The following BNC2 variants were observed in gnomAD, a reference collection of about 807,000 sequenced individuals.
BNC2 encodes zinc finger protein basonuclin-2.
BNC2 carries 20 observed loss-of-function variants against 76.3 expected under a neutral mutation model. The observed-to-expected ratio is 0.26, with a 90% CI of 0.18 to 0.38. BNC2 has a LOEUF of 0.38. BNC2 is among the 10% of genes least tolerant of loss of function. The pLI, the probability that BNC2 is intolerant of heterozygous loss-of-function variation, is 1.00. For synonymous variants in BNC2, 582 were observed against 514.8 expected (o/e 1.13, Z -1.77); for missense variants, 1,382 against 1,399.8 (o/e 0.99, Z 0.20).
chr9:16,782,698 C>A (rs1826187502), intron 1 of BNC2, among the ~76,000 whole-genome samples: 1 of 152,100 alleles, frequency 6.6e-6, no homozygotes, highest in Non-Finnish European at 1.5e-5. Context: ...GGTTCCACAC[C>A]ATTTATCATA....
intron 2 of BNC2, among the ~76,000 whole-genome samples, chr9:16,731,795 G>A (rs1824512141): frequency 6.6e-6 from 1 of 152,106 alleles, no homozygotes; most frequent in Admixed American, 6.5e-5. Flanking sequence ...ATGTTTTTGA[G>A]TAATCTGTAA....
chr9:16,447,676 A>G (rs1332000296), intron 5 of BNC2, among the ~76,000 whole-genome samples: 1 of 152,036 alleles, frequency 6.6e-6, no homozygotes, highest in African/African-American at 2.4e-5. Context: ...CAATCAGTTC[A>G]AGTAAAAATT....
At chr9:16,752,052 C>G (rs5016917) in intron 1 of BNC2, among the ~76,000 whole-genome samples, 130,825 of 152,072 alleles carry the variant, frequency 0.86, 56,676 homozygotes, top group Non-Finnish European at 0.91. Context: ...ATCTTAATAA[C>G]ATAAAGATCC....
chr9:16,680,008 T>G (rs1392212199), intron 3 of BNC2, among the ~76,000 whole-genome samples: 2 of 152,200 alleles, frequency 1.3e-5, no homozygotes, highest in Admixed American at 6.5e-5. Flanking sequence ...GGGGGAGTGT[T>G]ATTTAAACTT....
chr9:16,442,961 A>G (rs1322904036), intron 5 of BNC2, among the ~76,000 whole-genome samples: 1 of 151,242 alleles, frequency 6.6e-6, no homozygotes, highest in African/African-American at 2.4e-5. Context: ...CAAAAAAATT[A>G]GCCAGGTGTG....
chr9:16,661,208 A>C (rs1822101921), intron 3 of BNC2, among the ~76,000 whole-genome samples: 1 of 152,190 alleles, frequency 6.6e-6, no homozygotes. Context: ...GTATCATCAG[A>C]AGAACAGATG....
intron 3 of BNC2, among the ~76,000 whole-genome samples, chr9:16,660,863 T>C (rs948875777): frequency 1.3e-5 from 2 of 152,130 alleles, no homozygotes; most frequent in African/African-American, 4.8e-5. Flanking sequence ...GTAAGTAATA[T>C]AGAGATGATT....
At chr9:16,691,724 T>C (rs1202893750) in intron 3 of BNC2, among the ~76,000 whole-genome samples, 6 of 151,926 alleles carry the variant, frequency 3.9e-5, no homozygotes, top group South Asian at 2.1e-4. Context: ...TTAGCCAGGA[T>C]GGTCTCGATC....
At chr9:16,750,972 C>G (rs1322925767) in intron 1 of BNC2, among the ~76,000 whole-genome samples, 4 of 152,164 alleles carry the variant, frequency 2.6e-5, no homozygotes, top group Non-Finnish European at 2.9e-5. Context: ...GCATTGCTAA[C>G]CAAGTACAGA....
intron 1 of BNC2, among the ~76,000 whole-genome samples, chr9:16,769,802 A>T (rs1012269092): frequency 6.6e-6 from 1 of 152,142 alleles, no homozygotes; most frequent in Non-Finnish European, 1.5e-5. Context: ...CACCACTTAC[A>T]AGATTCATGT....
intron 3 of BNC2, among the ~76,000 whole-genome samples, chr9:16,648,099 A>C (rs538955192): frequency 6.6e-6 from 1 of 152,180 alleles, no homozygotes; most frequent in Non-Finnish European, 1.5e-5. Context: ...GTTTAAAAAA[A>C]GACATATGAA....
At chr9:16,663,130 CTT>C (rs71325979) in intron 3 of BNC2, among the ~76,000 whole-genome samples, 11 of 99,594 alleles carry the variant, frequency 1.1e-4, no homozygotes, top group Admixed American at 4.4e-4. Context: ...TCTGTTTACT[CTT>C]TTTTTTTTTT....
intron 5 of BNC2, among the ~76,000 whole-genome samples, chr9:16,522,069 G>A (rs1817637587): frequency 6.6e-6 from 1 of 152,158 alleles, no homozygotes; most frequent in South Asian, 2.1e-4. Flanking sequence ...TGATTTTGGT[G>A]CATTGCATGC....
intron 5 of BNC2, among the ~76,000 whole-genome samples, chr9:16,444,550 T>G (rs1299946059): frequency 2.0e-5 from 3 of 151,884 alleles, no homozygotes; most frequent in African/African-American, 7.3e-5. Context: ...CAGGAGTGAG[T>G]GATAGGCTCA....
chr9:16,521,901 T>C (rs987341657), intron 5 of BNC2, among the ~76,000 whole-genome samples: 20 of 152,178 alleles, frequency 1.3e-4, no homozygotes, highest in African/African-American at 4.8e-4. Flanking sequence ...TCTGTGACAA[T>C]GTTCTTGGAA....
At chr9:16,839,152 G>C (rs1818771619) in intron 1 of BNC2, among the ~76,000 whole-genome samples, 1 of 152,146 alleles carries the variant, frequency 6.6e-6, no homozygotes, top group African/African-American at 2.4e-5. Context: ...TCAGATAAAA[G>C]ACACTAGAAA....
At chr9:16,602,238 A>C (rs1454014234) in intron 3 of BNC2, among the ~76,000 whole-genome samples, 2 of 152,214 alleles carry the variant, frequency 1.3e-5, no homozygotes, top group East Asian at 3.9e-4. Flanking sequence ...TTTAAGAAAA[A>C]AGGAAAACAA....
chr9:16,814,373 C>A (rs1360315267), intron 1 of BNC2, among the ~76,000 whole-genome samples: 1 of 152,126 alleles, frequency 6.6e-6, no homozygotes, highest in Non-Finnish European at 1.5e-5. Context: ...TAGCTTTATA[C>A]AACAGACGTT....
At chr9:16,842,337 G>A (rs565100121) in intron 1 of BNC2, among the ~76,000 whole-genome samples, 5 of 152,294 alleles carry the variant, frequency 3.3e-5, no homozygotes, top group South Asian at 2.1e-4. Flanking sequence ...AAAAAGAAAC[G>A]AATGGGTGTT....
Sources: allele counts gnomAD v4.1 joint callset (sites outside exome capture counted in the v4.1 genomes callset), GRCh38; gene constraint gnomAD v4.1.1; transcripts MANE v1.5; gene names NCBI Gene and HGNC (gene_info 2026-07-23, HGNC 2026-07-21).